KCNE3: variants seen among roughly 807,000 people sequenced by gnomAD.
KCNE3 encodes the protein potassium voltage-gated channel subfamily E member 3.
A neutral mutation model predicts 4.3 loss-of-function variants in KCNE3; 2 were observed. That is an observed-to-expected ratio of 0.47 (90% CI 0.19 to 1.48). KCNE3 has a LOEUF of 1.48. KCNE3 is among the 40% of genes most tolerant of loss of function. The pLI, the probability that KCNE3 is intolerant of heterozygous loss-of-function variation, is 0.25. For synonymous variants in KCNE3, 47 were observed against 52.0 expected, an observed-to-expected ratio of 0.90 and a Z score of 0.41; for missense variants, 128 against 136.8, an observed-to-expected ratio of 0.94 and a Z score of 0.32.
chr11:74,456,754 A>C lies in KCNE3; in HGVS notation c.*498T>G, dbSNP rs1233145892. 5.2e-6 allele frequency: 1 copy of C among 191,606 alleles called. No individual in the cohort carries two copies. Among genetic ancestry groups the C allele is most frequent in the East Asian group, 1.4e-4 (1 of 7,334 alleles). The allele number at this position is 191,606 out of a possible 1,614,324, so 11.9% of individuals were successfully genotyped here. ...CCAATCATGGCACTATGCAGGCCCA[A>C]ATGGGCAGCACAGCACTTGCCCTGC... On this transcript the variant is annotated 3_prime_UTR_variant, in exon 3 of 3. Transcript: ENST00000310128.
In KCNE3 at chr11:74,455,203, C is replaced by G. The variant is rs888843292; in HGVS notation, c.*2049G>C. The G allele has an allele frequency of 6.6e-6, 1 of 152,158 alleles. No individual in the cohort carries two copies. Among genetic ancestry groups the G allele is most frequent in the African/African-American group, 2.4e-5 (1 of 41,432 alleles). The allele number at this position is 152,158 out of a possible 1,614,324, so 9.4% of individuals were successfully genotyped here. ...TTATCATGCGGAAAGGGAAAATCAC[C>G]TATAACCCAATTCCTCAGAGATAAC... is the stretch of plus-strand genomic sequence containing the variant. On this transcript the variant is annotated 3_prime_UTR_variant, in exon 3 of 3. Transcript: ENST00000310128.
Position 74,457,346 on chromosome 11 carries a change from C to T in KCNE3, c.218G>A (p.Gly73Asp). Residue 73 changes from glycine to aspartate, a missense_variant, in exon 3 of 3, where the codon GGC becomes GAC. Coordinates refer to ENST00000310128, the MANE Select transcript of KCNE3 (RefSeq NM_005472.5). ...FVMFLFAVTV[G>D]SLILGYTRSR... ...GCGGGTGTATCCCAGGATGAGGCTG[C>T]CCACAGTTACAGCAAATAGAAACAT... is the stretch of plus-strand genomic sequence containing the variant. The T allele has an allele frequency of 6.2e-7, 1 of 1,614,212 alleles. No individual in the cohort carries two copies.
Position 74,466,868 on chromosome 11 carries a change from A to G in KCNE3, c.-190+530T>C, listed in dbSNP as rs556488122. ...TCAAGTCTCCCGACTCCCAGCCTCG[A>G]CCTATGTTACTGGCAGCAGAAGATG... On this transcript the variant is annotated intron_variant, in intron 1 of 2. Transcript: ENST00000310128. Among the ~76,000 whole-genome samples, 15 of 152,190 alleles carry G rather than the reference A, an allele frequency of 9.9e-5. 1 individual carries two copies. The highest frequency in any genetic ancestry group is 3.4e-3 in the Middle Eastern group (1 of 294).
At chr11:74,461,517 G>A (rs1863953588) in intron 2 of KCNE3, among the ~76,000 whole-genome samples, 1 of 151,962 alleles carries the variant, frequency 6.6e-6, no homozygotes, top group Non-Finnish European at 1.5e-5. Context: ...CAGCTGCTCA[G>A]GAGGCTGAGG....
In KCNE3 at chr11:74,467,235, G is replaced by T. The variant is rs1326870756; in HGVS notation, c.-190+163C>A. Among the ~76,000 whole-genome samples, 2 of 152,014 alleles carry T rather than the reference G, an allele frequency of 1.3e-5. No homozygotes were observed. The highest frequency in any genetic ancestry group is 4.8e-5 in the African/African-American group (2 of 41,402). On this transcript the variant is annotated intron_variant, in intron 1 of 2. Coordinates refer to ENST00000310128, the MANE Select transcript of KCNE3 (RefSeq NM_005472.5). The surrounding 1 kb of genome is among the most constrained non-coding windows in gnomAD (Gnocchi z 4.4). ...CGCTCGGGAGGATCGGGGAGGATCCGGGAGGACTAGCTTGGTATTTGCAGC... is the reference window on the plus strand; with the variant it reads ...CGCTCGGGAGGATCGGGGAGGATCCTGGAGGACTAGCTTGGTATTTGCAGC...
chr11:74,457,873 G>A (rs1346610825), intron 2 of KCNE3, among the ~76,000 whole-genome samples: 1 of 152,110 alleles, frequency 6.6e-6, no homozygotes, highest in Non-Finnish European at 1.5e-5. Context: ...GGTTTAGAAA[G>A]GGCAGTTCCC....
Position 74,455,688 on chromosome 11 carries a change from TATAATA to T in KCNE3, c.*1558_*1563del, listed in dbSNP as rs1863792654. ...GTCTCTCATACTCTGCTTCTTTTAA[TATAATA>T]ATAATTTAGGTGCGATATCAGTCTT... On this transcript the variant is annotated 3_prime_UTR_variant, in exon 3 of 3. Coordinates refer to ENST00000310128, the MANE Select transcript of KCNE3 (RefSeq NM_005472.5). 1 of 152,118 alleles carries T rather than the reference TATAATA, an allele frequency of 6.6e-6. No individual in the cohort carries two copies. The highest frequency in any genetic ancestry group is 1.5e-5 in the Non-Finnish European group (1 of 68,030). 9.4% of individuals were successfully genotyped at this position (152,118 alleles called of 1,614,324 possible). A position where few individuals can be genotyped will look rare whatever the true frequency, so the allele number is the denominator to read the frequency against.
At chr11:74,461,837 A>G (rs2135014298) in intron 2 of KCNE3, 118 bp downstream of exon 2, 1 of 151,882 alleles carries the variant, frequency 6.6e-6, no homozygotes, top group South Asian at 2.1e-4. Flanking sequence ...GAAAGCTCCT[A>G]GTCGTCCCAA....
At chr11:74,466,665 A>AT (rs1864063992) in intron 1 of KCNE3, among the ~76,000 whole-genome samples, 1 of 152,130 alleles carries the variant, frequency 6.6e-6, no homozygotes. Context: ...AACTAAACTC[A>AT]TTTATTTTCG....
chr11:74,459,408 C>CACG (rs1438956262), intron 2 of KCNE3, among the ~76,000 whole-genome samples: 1 of 151,872 alleles, frequency 6.6e-6, no homozygotes, highest in South Asian at 2.1e-4. Flanking sequence ...ACTACAGGCG[C>CACG]CCGCCATCAC....
chr11:74,460,010 C>G (rs761961464), intron 2 of KCNE3, among the ~76,000 whole-genome samples: 2 of 152,208 alleles, frequency 1.3e-5, no homozygotes, highest in African/African-American at 4.8e-5. Context: ...GAACTGTTAA[C>G]AAACTAATAT....
At chr11:74,465,881 T>C (rs1322219603) in intron 1 of KCNE3, among the ~76,000 whole-genome samples, 3 of 152,154 alleles carry the variant, frequency 2.0e-5, no homozygotes, top group African/African-American at 7.2e-5. Context: ...TCCACATCTT[T>C]CCTTTCCCCC....
Position 74,461,044 on chromosome 11 carries a change from T to C in KCNE3, c.-41+911A>G, listed in dbSNP as rs187923911. Among the ~76,000 whole-genome samples, 249 of 152,266 alleles carry C rather than the reference T, an allele frequency of 1.6e-3. 2 individuals are homozygous for C. Among genetic ancestry groups the C allele is most frequent in the African/African-American group, 5.7e-3 (237 of 41,554 alleles). On this transcript the variant is annotated intron_variant, in intron 2 of 2. Coordinates refer to ENST00000310128, the MANE Select transcript of KCNE3 (RefSeq NM_005472.5). The stretch of plus-strand genomic sequence containing the variant: ...AAGGGGCCTCAGGCAATTTCATAGG[T>C]AGACAACAAACAAACAGTGTAAGTG...
chr11:74,459,952 T>G (rs776889385), intron 2 of KCNE3, among the ~76,000 whole-genome samples: 6 of 152,182 alleles, frequency 3.9e-5, no homozygotes, highest in Non-Finnish European at 7.3e-5. Flanking sequence ...ATGTTCACTT[T>G]AAGGAATTCT....
chr11:74,459,728 A>G (rs568487552), intron 2 of KCNE3, among the ~76,000 whole-genome samples: 17 of 152,198 alleles, frequency 1.1e-4, no homozygotes, highest in African/African-American at 3.6e-4. Context: ...GCACTTACAT[A>G]TAAGGCAATA....
chr11:74,465,671 C>G (rs1400551712), intron 1 of KCNE3, among the ~76,000 whole-genome samples: 1 of 152,192 alleles, frequency 6.6e-6, no homozygotes, highest in Non-Finnish European at 1.5e-5. Flanking sequence ...TGATTCTAAT[C>G]TTGGCTGTAT....
intron 1 of KCNE3, among the ~76,000 whole-genome samples, chr11:74,463,553 C>T (rs1260265095): frequency 6.6e-6 from 1 of 152,080 alleles, no homozygotes. Flanking sequence ...TTACTGAGAT[C>T]CTTGGATGGG....
chr11:74,458,165 G>A (rs1258700183), intron 2 of KCNE3, among the ~76,000 whole-genome samples: 2 of 152,174 alleles, frequency 1.3e-5, no homozygotes, highest in African/African-American at 4.8e-5. Context: ...ACTGCTATAT[G>A]CAATCACTTA....
At chr11:74,460,498 T>C (rs1863928010) in intron 2 of KCNE3, among the ~76,000 whole-genome samples, 1 of 152,204 alleles carries the variant, frequency 6.6e-6, no homozygotes, top group Non-Finnish European at 1.5e-5. Flanking sequence ...TGGATACTGA[T>C]CAGGGCTCAG....
Sources: gnomAD v4.1 joint callset for allele counts (sites outside exome capture counted in the v4.1 genomes callset) on GRCh38, gnomAD v4.1.1 for gene constraint, Gnocchi (gnomAD v3.1) non-coding constraint, MANE v1.5 for transcripts, NCBI Gene and HGNC (gene_info 2026-07-23, HGNC 2026-07-21) for gene names.